DLG5: variants seen among roughly 807,000 people sequenced by gnomAD.
DLG5 encodes disks large homolog 5.
Under a neutral mutation model 189.8 loss-of-function variants are expected in DLG5, and 48 were observed. The ratio of observed to expected loss-of-function variants is 0.25; its 90% confidence interval spans 0.20 to 0.32. The LOEUF is 0.32. Ranked by LOEUF, DLG5 falls within the 10% of genes least tolerant of loss-of-function variation. DLG5 has a pLI of 1.00. For missense variants in DLG5, 2,160 were observed against 2,544.7 expected (o/e 0.85, Z 3.25); for synonymous variants, 1,016 against 1,054.1 (o/e 0.96, Z 0.70).
chr10:77,852,576 C>T (rs999437801), intron 5 of DLG5, among the ~76,000 whole-genome samples: 2 of 151,790 alleles, frequency 1.3e-5, no homozygotes, highest in East Asian at 3.9e-4. Flanking sequence ...CCACCACGCC[C>T]GGCTAATTTT....
chr10:77,855,103 T>C (rs1194820957), intron 3 of DLG5, among the ~76,000 whole-genome samples: 1 of 152,208 alleles, frequency 6.6e-6, no homozygotes. Context: ...AAAATACCAA[T>C]GCCCAGGTCA....
intron 1 of DLG5, among the ~76,000 whole-genome samples, chr10:77,917,464 C>T (rs1163062478): frequency 1.3e-5 from 2 of 150,160 alleles, no homozygotes; most frequent in African/African-American, 4.9e-5. Flanking sequence ...TGCAGTGAGC[C>T]ATGAGTACCA....
chr10:77,869,057 G>T, intron 2 of DLG5, 72 bp downstream of exon 2: 1 of 1,307,260 alleles, frequency 7.6e-7, no homozygotes, highest in Non-Finnish European at 1.1e-6. Flanking sequence ...CCTCTCCCAT[G>T]AACCCCAGCT....
Position 77,869,168 on chromosome 10 carries a change from G to A in DLG5, c.334C>T (p.Pro112Ser). The change falls in exon 2 of 32, where the codon CCC (proline) becomes TCC (serine). Residue 112 changes from proline (P) to serine (S), a missense_variant. By Grantham distance (74) the Pro-to-Ser change is moderately conservative. This residue lies in a region of DLG5 where 664 missense variants were observed against 838.5 expected (regional missense o/e 0.79). Coordinates refer to ENST00000372391, the MANE Select transcript of DLG5 (RefSeq NM_004747.4). ...GSTYSVLSTM[P>S]SDSESSSSLS... is the part of the protein sequence containing the mutation. ...GAGCTGCTGCTTTCTGAGTCTGAGG[G>A]CATGGTGGACAGGACGCTGTAGGTA... The A allele has an allele frequency of 6.2e-7, 1 of 1,613,886 alleles. No homozygotes were observed. The highest frequency in any genetic ancestry group is 8.5e-7 in the Non-Finnish European group (1 of 1,179,946).
At chr10:77,910,783 C>G (rs1846195701) in intron 1 of DLG5, among the ~76,000 whole-genome samples, 1 of 151,964 alleles carries the variant, frequency 6.6e-6, no homozygotes, top group Non-Finnish European at 1.5e-5. Flanking sequence ...TCAGCCCGAC[C>G]AACATGATAA....
chr10:77,834,096 TGG>T (rs952558581), intron 8 of DLG5, 57 bp from the exon 9 acceptor site: 1 of 1,571,940 alleles, frequency 6.4e-7, no homozygotes, highest in African/African-American at 1.3e-5. Flanking sequence ...AGGGGGTTCC[TGG>T]TCTGCAGCGG....
intron 1 of DLG5, among the ~76,000 whole-genome samples, chr10:77,894,947 C>G (rs917112508): frequency 1.3e-5 from 2 of 152,218 alleles, no homozygotes; most frequent in Admixed American, 1.3e-4. Flanking sequence ...TCTTGAGGGG[C>G]AGGGCCACCT....
chr10:77,802,418 G>A (rs1336734262), intron 27 of DLG5, among the ~76,000 whole-genome samples: 1 of 152,128 alleles, frequency 6.6e-6, no homozygotes, highest in Non-Finnish European at 1.5e-5. Context: ...CAAAAAACCT[G>A]CACTACAAGA....
At chr10:77,897,797 A>G (rs1343553789) in intron 1 of DLG5, among the ~76,000 whole-genome samples, 1 of 152,168 alleles carries the variant, frequency 6.6e-6, no homozygotes, top group Non-Finnish European at 1.5e-5. Context: ...TGGTAGAATT[A>G]AAGAAAAAAA....
At chr10:77,799,017 T>C (rs1841070357) in intron 27 of DLG5, among the ~76,000 whole-genome samples, 1 of 152,234 alleles carries the variant, frequency 6.6e-6, no homozygotes. Context: ...ATATTCTCCC[T>C]TAATGATTAC....
chr10:77,867,645 G>C (rs1350458806), intron 2 of DLG5, among the ~76,000 whole-genome samples: 1 of 152,242 alleles, frequency 6.6e-6, no homozygotes, highest in South Asian at 2.1e-4. Flanking sequence ...AGGGTTATGG[G>C]AGGAACTGTG....
chr10:77,926,853 T>TC, upstream of DLG5: 1 of 209,994 alleles, frequency 4.8e-6, no homozygotes, highest in South Asian at 5.1e-5. This position sits in a 1 kb window ranked among gnomAD's most constrained non-coding sequence, Gnocchi z 5.2. Flanking sequence ...CCGGGCATGC[T>TC]CCCCCTCCCC....
intron 1 of DLG5, among the ~76,000 whole-genome samples, chr10:77,887,206 T>C (rs1845466248): frequency 6.6e-6 from 1 of 152,148 alleles, no homozygotes; most frequent in South Asian, 2.1e-4. Context: ...CTCTCCAAGA[T>C]CAAGGAACTA....
In DLG5 at chr10:77,795,838, A is replaced by G. The variant is rs74665948; in HGVS notation, c.5436+223T>C. 3.4e-3 allele frequency among the ~76,000 whole-genome samples: 516 copies of G among 152,302 alleles called. 9 individuals carry two copies. In the East Asian group the frequency reaches 0.053, roughly 16 times the overall value. On this transcript the variant is annotated intron_variant, in intron 29 of 31. Coordinates refer to ENST00000372391, the MANE Select transcript of DLG5 (RefSeq NM_004747.4). ...GCCAGAGAGGAAGATGGGGCGGCAC[A>G]TACACAGGGGAACTCCTCCATCCCC...
intron 1 of DLG5, among the ~76,000 whole-genome samples, chr10:77,883,496 C>G (rs867832280): frequency 7.9e-5 from 12 of 152,068 alleles, no homozygotes; most frequent in African/African-American, 2.9e-4. Flanking sequence ...ACACAGTCCA[C>G]TCCAGAGTCA....
chr10:77,907,776 T>G (rs1318421445), intron 1 of DLG5, among the ~76,000 whole-genome samples: 2 of 152,188 alleles, frequency 1.3e-5, no homozygotes, highest in Admixed American at 6.5e-5. Flanking sequence ...GATTCAGGAT[T>G]CAAACCCAGT....
At chr10:77,866,176 T>G (rs1844674729) in intron 2 of DLG5, among the ~76,000 whole-genome samples, 1 of 151,954 alleles carries the variant, frequency 6.6e-6, no homozygotes, top group African/African-American at 2.4e-5. Context: ...GGTGCTAGAG[T>G]GCTCCCAGCC....
intron 1 of DLG5, among the ~76,000 whole-genome samples, chr10:77,924,243 T>C (rs1033188453): frequency 6.6e-6 from 1 of 152,132 alleles, no homozygotes; most frequent in East Asian, 1.9e-4. Flanking sequence ...CATGACCCTC[T>C]CCAAAGTCAC....
intron 1 of DLG5, among the ~76,000 whole-genome samples, chr10:77,898,616 G>A (rs1463100321): frequency 1.3e-5 from 2 of 152,192 alleles, no homozygotes; most frequent in Non-Finnish European, 2.9e-5. Flanking sequence ...TGGCACCAGC[G>A]CAGGAGCAGC....
Sources: allele counts gnomAD v4.1 joint callset (sites outside exome capture counted in the v4.1 genomes callset), GRCh38; gene constraint gnomAD v4.1.1; regional missense constraint gnomAD v4.1.1; non-coding constraint Gnocchi (gnomAD v3.1); transcripts MANE v1.5; gene names NCBI Gene and HGNC (gene_info 2026-07-23, HGNC 2026-07-21).